Variants in CNTNAP5 observed in about 807,000 individuals in gnomAD.
CNTNAP5 encodes contactin-associated protein-like 5.
In CNTNAP5, 72 loss-of-function variants were observed where a neutral mutation model predicts 150.2. The ratio of observed to expected loss-of-function variants is 0.48; its 90% confidence interval spans 0.40 to 0.58. The LOEUF is 0.58. CNTNAP5 is among the 20% of genes least tolerant of loss of function. CNTNAP5 has a pLI of 0.00. For missense variants in CNTNAP5, 1,636 were observed against 1,626.2 expected (o/e 1.01, Z -0.10); for synonymous variants, 672 against 619.8 (o/e 1.08, Z -1.25).
At chr2:124,486,296 T>A in intron 7 of CNTNAP5, among the ~76,000 whole-genome samples, 1 of 152,056 alleles carries the variant, frequency 6.6e-6, no homozygotes, top group East Asian at 1.9e-4. Context: ...CTTTGGGGAC[T>A]TGTGGGGAGG....
intron 1 of CNTNAP5, among the ~76,000 whole-genome samples, chr2:124,041,572 G>A (rs531815201): frequency 3.3e-5 from 5 of 152,248 alleles, no homozygotes; most frequent in African/African-American, 7.2e-5. Flanking sequence ...AGGAATTAAC[G>A]TGGAGTCAGA....
Position 124,101,243 on chromosome 2 carries a change from A to G in CNTNAP5, c.82+75511A>G, listed in dbSNP as rs544662891. Among the ~76,000 whole-genome samples, 7 of 152,340 alleles carry G rather than the reference A, an allele frequency of 4.6e-5. No individual in the cohort carries two copies. In the East Asian group the frequency reaches 1.3e-3, roughly 29 times the overall value. The stretch of plus-strand genomic sequence containing the variant: ...TTTACTATATAATATATTCCTTATA[A>G]CAAAATATGCCATCATCATTTTTAG... On this transcript the variant is annotated intron_variant, in intron 1 of 23. Transcript: ENST00000682447.
At chr2:124,622,982 G>A (rs72974503) in intron 12 of CNTNAP5, among the ~76,000 whole-genome samples, 1,810 of 152,176 alleles carry the variant, frequency 0.012, 28 homozygotes, top group African/African-American at 0.041. Context: ...ATAAGTGCAC[G>A]AATGAGGCTA....
intron 3 of CNTNAP5, among the ~76,000 whole-genome samples, chr2:124,396,872 C>T (rs1691260961): frequency 6.6e-6 from 1 of 152,148 alleles, no homozygotes; most frequent in African/African-American, 2.4e-5. Context: ...TGTTAGAATA[C>T]AGGTCCCCCA....
intron 1 of CNTNAP5, among the ~76,000 whole-genome samples, chr2:124,178,378 G>T (rs187440266): frequency 6.6e-6 from 1 of 152,168 alleles, no homozygotes; most frequent in African/African-American, 2.4e-5. Context: ...TAGAAGTGTT[G>T]CTTTCCACTA....
intron 13 of CNTNAP5, among the ~76,000 whole-genome samples, chr2:124,689,057 GCCATTCT>G (rs1251908110): frequency 6.6e-6 from 1 of 152,086 alleles, no homozygotes; most frequent in Non-Finnish European, 1.5e-5. Context: ...AACAACCCCT[GCCATTCT>G]CCTGCTTCAG....
intron 13 of CNTNAP5, among the ~76,000 whole-genome samples, chr2:124,682,558 G>A (rs1388676770): frequency 6.6e-6 from 1 of 152,142 alleles, no homozygotes; most frequent in African/African-American, 2.4e-5. Context: ...CCACTGGACT[G>A]GGAAGAAGGG....
chr2:124,873,716 C>A (rs1168540594), intron 21 of CNTNAP5, among the ~76,000 whole-genome samples: 1 of 152,030 alleles, frequency 6.6e-6, no homozygotes, highest in African/African-American at 2.4e-5. Context: ...AAAATGGCTA[C>A]ATGGAATTAA....
intron 11 of CNTNAP5, among the ~76,000 whole-genome samples, chr2:124,597,773 A>C (rs1452480771): frequency 1.3e-5 from 2 of 151,956 alleles, no homozygotes; most frequent in African/African-American, 4.8e-5. Flanking sequence ...CATCACTTTC[A>C]GGCACACCAA....
At chr2:124,533,004 G>C (rs1057479271) in intron 10 of CNTNAP5, among the ~76,000 whole-genome samples, 1 of 151,992 alleles carries the variant, frequency 6.6e-6, no homozygotes, top group Non-Finnish European at 1.5e-5. Flanking sequence ...AGTAGTTTCT[G>C]GGGTGATTCC....
At chr2:124,588,117 T>TCC (rs1299550634) in intron 11 of CNTNAP5, among the ~76,000 whole-genome samples, 2 of 147,058 alleles carry the variant, frequency 1.4e-5, no homozygotes, top group Admixed American at 6.8e-5. Flanking sequence ...CTTCCCTCCT[T>TCC]TTCCTTCCTT....
At chr2:124,289,314 G>T (rs990305906) in intron 3 of CNTNAP5, among the ~76,000 whole-genome samples, 9 of 152,180 alleles carry the variant, frequency 5.9e-5, no homozygotes, top group Non-Finnish European at 1.2e-4. Context: ...AGGTGACTAA[G>T]CTATTGTTAA....
At chr2:124,877,899 G>A (rs564535497) in intron 21 of CNTNAP5, among the ~76,000 whole-genome samples, 2 of 151,900 alleles carry the variant, frequency 1.3e-5, no homozygotes, top group East Asian at 3.9e-4. Context: ...ATCTAAACTC[G>A]TTCCTTATGC....
intron 19 of CNTNAP5, among the ~76,000 whole-genome samples, chr2:124,811,712 G>A (rs898919014): frequency 2.0e-5 from 3 of 150,088 alleles, no homozygotes; most frequent in African/African-American, 7.4e-5. Flanking sequence ...GAGGCGGGGG[G>A]GGTGGATCAC....
chr2:124,632,514 G>T (rs1426571323), intron 12 of CNTNAP5, among the ~76,000 whole-genome samples: 1 of 151,940 alleles, frequency 6.6e-6, no homozygotes, highest in East Asian at 1.9e-4. Flanking sequence ...GAGAATACGT[G>T]GGCACAGGGA....
chr2:124,569,062 T>A (rs533883113), intron 11 of CNTNAP5, among the ~76,000 whole-genome samples: 421 of 151,938 alleles, frequency 2.8e-3, no homozygotes, highest in African/African-American at 7.2e-3. Context: ...GAAAAAAATA[T>A]ATATATATAT....
intron 3 of CNTNAP5, among the ~76,000 whole-genome samples, chr2:124,299,288 G>A (rs774450103): frequency 6.6e-6 from 1 of 152,106 alleles, no homozygotes; most frequent in East Asian, 1.9e-4. Flanking sequence ...CTTTTTACCC[G>A]GCTGTCTCAA....
At chr2:124,625,904 C>T (rs1677711283) in intron 12 of CNTNAP5, among the ~76,000 whole-genome samples, 1 of 152,166 alleles carries the variant, frequency 6.6e-6, no homozygotes, top group African/African-American at 2.4e-5. Flanking sequence ...TATCCTGTAG[C>T]AACTTGACAA....
intron 1 of CNTNAP5, among the ~76,000 whole-genome samples, chr2:124,191,459 T>C (rs2104695190): frequency 6.6e-6 from 1 of 152,294 alleles, no homozygotes; most frequent in Non-Finnish European, 1.5e-5. Context: ...TTCCATTCCT[T>C]GAAATTCTTG....
Sources: allele counts gnomAD v4.1 joint callset (sites outside exome capture counted in the v4.1 genomes callset), GRCh38; gene constraint gnomAD v4.1.1; transcripts MANE v1.5; gene names NCBI Gene and HGNC (gene_info 2026-07-23, HGNC 2026-07-21).